LOC128462377: variants seen among roughly 807,000 people sequenced by gnomAD.
the LOC128462377 span, among the ~76,000 whole-genome samples, chr16:89,374,008 G>C: frequency 1.3e-5 from 2 of 152,222 alleles, no homozygotes; most frequent in East Asian, 1.9e-4. Context: ...AATACCTGCA[G>C]GACAGGAGCT....
the LOC128462377 span, among the ~76,000 whole-genome samples, chr16:89,351,920 T>C: frequency 6.6e-6 from 1 of 152,170 alleles, no homozygotes; most frequent in Non-Finnish European, 1.5e-5. Context: ...GCTGGTATTA[T>C]CTCTTTTTTG....
chr16:89,361,176 T>C, the LOC128462377 span, among the ~76,000 whole-genome samples: 2 of 152,210 alleles, frequency 1.3e-5, no homozygotes, highest in African/African-American at 4.8e-5. Context: ...CCTGCTCAGC[T>C]ACCCTAAACC....
chr16:89,330,622 C>G, the LOC128462377 span, among the ~76,000 whole-genome samples: 2 of 126,958 alleles, frequency 1.6e-5, no homozygotes, highest in Non-Finnish European at 3.1e-5. Context: ...TGAGGGTCCT[C>G]GTGACACGGC....
the LOC128462377 span, among the ~76,000 whole-genome samples, chr16:89,381,527 AG>A: frequency 2.0e-5 from 3 of 152,214 alleles, no homozygotes; most frequent in African/African-American, 7.2e-5. Flanking sequence ...TAAGCATTCT[AG>A]TTTATAAAAC....
the LOC128462377 span, among the ~76,000 whole-genome samples, chr16:89,416,037 C>CA: frequency 6.6e-6 from 1 of 151,972 alleles, no homozygotes; most frequent in East Asian, 1.9e-4. Flanking sequence ...TCAATCTAAC[C>CA]ACCACAGGCA....
the LOC128462377 span, among the ~76,000 whole-genome samples, chr16:89,355,292 C>T: frequency 6.6e-6 from 1 of 151,620 alleles, no homozygotes; most frequent in Non-Finnish European, 1.5e-5. Flanking sequence ...CCCTGAGGCT[C>T]GGAAGGCGGG....
the LOC128462377 span, among the ~76,000 whole-genome samples, chr16:89,344,583 GATA>G: frequency 4.2e-3 from 633 of 152,340 alleles, 4 homozygotes; most frequent in African/African-American, 0.014. Flanking sequence ...GCGTCTGAGG[GATA>G]AGCCCACAAT....
chr16:89,323,769 C>T, the LOC128462377 span: 5 of 255,198 alleles, frequency 2.0e-5, no homozygotes, highest in Admixed American at 5.3e-5. Context: ...TCCTCAGGGC[C>T]GCACCAGCTC....
chr16:89,416,033 T>G, the LOC128462377 span, among the ~76,000 whole-genome samples: 1 of 151,862 alleles, frequency 6.6e-6, no homozygotes, highest in African/African-American at 2.4e-5. Context: ...GTATTCAATC[T>G]AACCACCACA....
At chr16:89,320,825 C>T in the LOC128462377 span, among the ~76,000 whole-genome samples, 3 of 152,266 alleles carry the variant, frequency 2.0e-5, no homozygotes, top group East Asian at 3.8e-4. Context: ...GCCGTCCTTG[C>T]CCTGTGCCTC....
chr16:89,371,562 C>T, the LOC128462377 span, among the ~76,000 whole-genome samples: 1 of 152,184 alleles, frequency 6.6e-6, no homozygotes, highest in African/African-American at 2.4e-5. Context: ...TTCCGCCATG[C>T]TGCAGGAAGG....
chr16:89,348,655 C>A, the LOC128462377 span, among the ~76,000 whole-genome samples: 4 of 152,196 alleles, frequency 2.6e-5, no homozygotes, highest in African/African-American at 9.7e-5. Context: ...CTATCTATTT[C>A]TTCTTCAGTA....
At chr16:89,411,384 G>A in the LOC128462377 span, among the ~76,000 whole-genome samples, 5 of 152,240 alleles carry the variant, frequency 3.3e-5, no homozygotes, top group Non-Finnish European at 5.9e-5. Flanking sequence ...TGGGCCAGAC[G>A]CTACACATCT....
At chr16:89,376,051 A>T in the LOC128462377 span, among the ~76,000 whole-genome samples, 1 of 152,356 alleles carries the variant, frequency 6.6e-6, no homozygotes, top group African/African-American at 2.4e-5. Flanking sequence ...TGAAGCCATC[A>T]CCGCAGCTAC....
the LOC128462377 span, among the ~76,000 whole-genome samples, chr16:89,411,409 T>C: frequency 6.6e-6 from 1 of 152,162 alleles, no homozygotes; most frequent in South Asian, 2.1e-4. Flanking sequence ...GTCGAGATGG[T>C]CTACATTTCT....
At chr16:89,380,032 G>C in the LOC128462377 span, among the ~76,000 whole-genome samples, 1 of 152,098 alleles carries the variant, frequency 6.6e-6, no homozygotes, top group Non-Finnish European at 1.5e-5. Context: ...AGTATCAATG[G>C]GTATATATGA....
the LOC128462377 span, among the ~76,000 whole-genome samples, chr16:89,389,210 A>C: frequency 1.3e-5 from 2 of 151,730 alleles, no homozygotes; most frequent in Non-Finnish European, 2.9e-5. Context: ...CTTTTAGTAG[A>C]GATGAGGTCT....
chr16:89,417,274 G>C, the LOC128462377 span, among the ~76,000 whole-genome samples: 4 of 152,198 alleles, frequency 2.6e-5, no homozygotes, highest in Admixed American at 6.5e-5. Context: ...CGTTTGCTGG[G>C]AGTAACAACA....
At chr16:89,334,163 A>C in the LOC128462377 span, among the ~76,000 whole-genome samples, 1 of 143,986 alleles carries the variant, frequency 6.9e-6, no homozygotes, top group Admixed American at 7.1e-5. Context: ...AAAAAAAAAA[A>C]AAAAAAAAAA....
Sources: gnomAD v4.1 joint callset for allele counts (sites outside exome capture counted in the v4.1 genomes callset) on GRCh38, gnomAD v4.1.1 for gene constraint, MANE v1.5 for transcripts.